GLG1: variants seen among roughly 807,000 people sequenced by gnomAD.
GLG1 encodes the protein Golgi apparatus protein 1.
GLG1 carries 38 observed loss-of-function variants against 160.5 expected under a neutral mutation model. The ratio of observed to expected loss-of-function variants is 0.24; its 90% CI spans 0.18 to 0.31. GLG1 has a LOEUF of 0.31. Among genes scored for constraint, GLG1 ranks in the 10% least tolerant of loss-of-function variants. The pLI is 1.00. For missense variants in GLG1, 1,373 were observed against 1,505.2 expected (o/e 0.91, Z 1.45); for synonymous variants, 644 against 543.4 (o/e 1.19, Z -2.57).
chr16:74,568,346 G>A (rs2018718485), intron 1 of GLG1, among the ~76,000 whole-genome samples: 1 of 151,700 alleles, frequency 6.6e-6, no homozygotes, highest in African/African-American at 2.4e-5. Context: ...AACTGATATA[G>A]TGAGGAACAT....
At chr16:74,527,882 ATTC>A (rs1217883270) in intron 2 of GLG1, among the ~76,000 whole-genome samples, 4 of 105,368 alleles carry the variant, frequency 3.8e-5, no homozygotes, top group Admixed American at 2.7e-4. Context: ...GCGGTGGTTA[ATTC>A]TTTTTTTTTT....
intron 1 of GLG1, among the ~76,000 whole-genome samples, chr16:74,583,149 C>A (rs1054453761): frequency 6.6e-6 from 1 of 152,154 alleles, no homozygotes; most frequent in Non-Finnish European, 1.5e-5. Flanking sequence ...GTCCCCAGGG[C>A]TCAGTCCTTG....
chr16:74,481,815 C>T (rs751970209), intron 10 of GLG1, among the ~76,000 whole-genome samples: 8 of 152,036 alleles, frequency 5.3e-5, no homozygotes, highest in East Asian at 1.9e-4. Flanking sequence ...GACGGAGTCT[C>T]GCTCTGTCTC....
At position 74,601,998 on chromosome 16, in the gene GLG1, C is replaced by T. The variant is rs575744599; in HGVS notation, c.438+4659G>A. Among the ~76,000 whole-genome samples, 16 of 152,186 alleles carry T rather than the reference C, an allele frequency of 1.1e-4. No homozygotes were observed. In the East Asian group the frequency reaches 3.1e-3, roughly 29 times the overall value. ...AATAACACTAGCACTAGCACTAGCA[C>T]CTCATTATCATTATCATTGATAATG... On this transcript the variant is annotated intron_variant, in intron 1 of 25. Transcript: ENST00000422840.
At chr16:74,523,857 T>G (rs2143568901) in intron 2 of GLG1, among the ~76,000 whole-genome samples, 1 of 152,296 alleles carries the variant, frequency 6.6e-6, no homozygotes, top group Admixed American at 6.5e-5. Context: ...ATTTTCTATT[T>G]ATATAATTAC....
At chr16:74,534,751 G>C (rs185387321) in intron 1 of GLG1, among the ~76,000 whole-genome samples, 1 of 152,066 alleles carries the variant, frequency 6.6e-6, no homozygotes, top group Admixed American at 6.6e-5. Flanking sequence ...GTATACACCC[G>C]GCTCCGCTGA....
At chr16:74,509,163 ATTTTTTTTTTTT>A (rs11295055) in intron 2 of GLG1, among the ~76,000 whole-genome samples, 1 of 89,614 alleles carries the variant, frequency 1.1e-5, no homozygotes, top group African/African-American at 4.6e-5. Context: ...CTAAAGGACA[ATTTTTTTTTTTT>A]TTTTTTTTTT....
chr16:74,510,858 T>G (rs572392056), intron 2 of GLG1, among the ~76,000 whole-genome samples: 2 of 152,036 alleles, frequency 1.3e-5, no homozygotes, highest in African/African-American at 2.4e-5. Context: ...CACAGCAGTA[T>G]AGGGGAGGAA....
In GLG1 at chr16:74,560,709, T is replaced by C. The variant is rs187394025; in HGVS notation, c.439-28556A>G. ...AGAAAAATTAAACCTGAGCTGGGCA[T>C]GGTGGCTTAGGCCTGTAACCCCAGC... On this transcript the variant is annotated intron_variant, in intron 1 of 25. Coordinates refer to ENST00000422840, the MANE Select transcript of GLG1 (RefSeq NM_001145667.2). Among the ~76,000 whole-genome samples, 5 of 152,176 alleles carry C rather than the reference T, an allele frequency of 3.3e-5. No homozygotes were observed. In the East Asian group the frequency reaches 9.7e-4, roughly 30 times the overall value.
At chr16:74,473,580 C>T (rs945486418) in intron 13 of GLG1, among the ~76,000 whole-genome samples, 1 of 151,498 alleles carries the variant, frequency 6.6e-6, no homozygotes, top group African/African-American at 2.4e-5. Flanking sequence ...GCTGGGACTA[C>T]AGGCACCCGC....
chr16:74,599,691 C>A (rs1399235383), intron 1 of GLG1, among the ~76,000 whole-genome samples: 2 of 152,126 alleles, frequency 1.3e-5, no homozygotes, highest in Non-Finnish European at 2.9e-5. Flanking sequence ...GGTGAAACCC[C>A]GTCTCTACTA....
intron 1 of GLG1, among the ~76,000 whole-genome samples, chr16:74,586,292 T>C (rs1021546207): frequency 2.0e-5 from 3 of 152,070 alleles, no homozygotes; most frequent in Non-Finnish European, 4.4e-5. Context: ...CAACCACTGA[T>C]ATTTTTGGGT....
At chr16:74,478,230 C>T (rs1188789187) in intron 11 of GLG1, among the ~76,000 whole-genome samples, 1 of 152,048 alleles carries the variant, frequency 6.6e-6, no homozygotes, top group Non-Finnish European at 1.5e-5. Context: ...GGTAGAAGGT[C>T]AGATCCAATT....
chr16:74,456,274 G>C, intron 25 of GLG1, among the ~76,000 whole-genome samples: 1 of 152,206 alleles, frequency 6.6e-6, no homozygotes, highest in Admixed American at 6.5e-5. Context: ...GATGCACAGG[G>C]AGACGGCTCC....
At position 74,451,450 on chromosome 16, in the gene GLG1, A is replaced by C. The variant is rs2014298631; in HGVS notation, c.*1717T>G. 1 of 152,210 alleles carries C rather than the reference A, an allele frequency of 6.6e-6. No individual in the cohort carries two copies. Among genetic ancestry groups the C allele is most frequent in the Non-Finnish European group, 1.5e-5 (1 of 68,032 alleles). 9.4% of individuals were successfully genotyped at this position (152,210 alleles called of 1,614,324 possible). On this transcript the variant is annotated 3_prime_UTR_variant, in exon 26 of 26. Coordinates refer to ENST00000422840, the MANE Select transcript of GLG1 (RefSeq NM_001145667.2). ...TATATGTCAGTCAGGTTAGACAAGG[A>C]GTAACTTGGATCAACTGATCCACAA...
At chr16:74,491,367 T>C (rs2015979016) in intron 7 of GLG1, 152 bp from the exon 8 acceptor site, 3 of 640,770 alleles carry the variant, frequency 4.7e-6, no homozygotes, top group Admixed American at 5.4e-5. Flanking sequence ...TAGCAAAAGC[T>C]TTAGCAGCAT....
At chr16:74,543,541 T>A (rs1190672048) in intron 1 of GLG1, among the ~76,000 whole-genome samples, 1 of 152,106 alleles carries the variant, frequency 6.6e-6, no homozygotes, top group Non-Finnish European at 1.5e-5. Context: ...TGCATAAAAA[T>A]CTGATAAAAT....
chr16:74,451,824 G>A lies in GLG1; in HGVS notation c.*1343C>T, dbSNP rs3851730. 142,272 of 483,308 alleles carry A rather than the reference G, an allele frequency of 0.29. 21,955 individuals carry two copies. Among genetic ancestry groups the A allele is most frequent in the Middle Eastern group, 0.32 (684 of 2,106 alleles). The allele number at this position is 483,308 out of a possible 1,614,324, so 29.9% of individuals were successfully genotyped here. A position where few individuals can be genotyped will look rare whatever the true frequency, so the allele number is the denominator to read the frequency against. On this transcript the variant is annotated 3_prime_UTR_variant, in exon 26 of 26. Coordinates refer to ENST00000422840, the MANE Select transcript of GLG1 (RefSeq NM_001145667.2). Reference sequence around the variant, plus strand: ...CATCTCCACACTGGAGGAATGAGGCGGGATGGCCAAGAATATTGCTTCTAT... The same window carrying A: ...CATCTCCACACTGGAGGAATGAGGCAGGATGGCCAAGAATATTGCTTCTAT...
intron 16 of GLG1, 21 bp from the exon 17 acceptor site, chr16:74,469,084 A>C: frequency 6.4e-7 from 1 of 1,564,416 alleles, no homozygotes; most frequent in Non-Finnish European, 8.8e-7. Context: ...AAGAAGCTTG[A>C]GGCTGGCTGG....
Sources: allele counts gnomAD v4.1 joint callset (sites outside exome capture counted in the v4.1 genomes callset), GRCh38; gene constraint gnomAD v4.1.1; transcripts MANE v1.5; gene names NCBI Gene and HGNC (gene_info 2026-07-23, HGNC 2026-07-21).